PLCB2: variants seen among roughly 807,000 people sequenced by gnomAD.
PLCB2 encodes the protein phospholipase C beta 2.
In PLCB2, 115 loss-of-function variants were observed where a neutral mutation model predicts 141.7. The ratio of observed to expected loss-of-function variants is 0.81; its 90% confidence interval spans 0.70 to 0.95. The LOEUF (loss-of-function observed/expected upper bound fraction) is 0.95. PLCB2 is among the 40% of genes least tolerant of loss of function. The pLI is 0.00. For synonymous variants in PLCB2, 603 were observed against 595.6 expected (o/e 1.01, Z -0.18); for missense variants, 1,403 against 1,541.1 (o/e 0.91, Z 1.50).
intron 31 of PLCB2, 48 bp downstream of exon 31, chr15:40,289,224 C>G: frequency 6.6e-7 from 1 of 1,516,784 alleles, no homozygotes; most frequent in South Asian, 1.1e-5. Context: ...CCTTTACAAC[C>G]CGGAACCCAT....
At chr15:40,293,048 C>A (rs1360408473) in intron 20 of PLCB2, 23 bp from the exon 21 acceptor site, 2 of 1,507,802 alleles carry the variant, frequency 1.3e-6, no homozygotes, top group Non-Finnish European at 1.8e-6. Context: ...GGGGACATGA[C>A]AGGCTGGGAG....
intron 1 of PLCB2, among the ~76,000 whole-genome samples, chr15:40,304,386 C>T (rs1052451573): frequency 1.3e-5 from 2 of 152,168 alleles, no homozygotes; most frequent in Non-Finnish European, 2.9e-5. Flanking sequence ...GAGAGATTGA[C>T]ACAGCGAGAG....
chr15:40,306,912 A>T (rs1467908395), intron 1 of PLCB2, among the ~76,000 whole-genome samples: 1 of 152,356 alleles, frequency 6.6e-6, no homozygotes, highest in African/African-American at 2.4e-5. Context: ...AGAGCCTGGG[A>T]GCAGCCCCGT....
chr15:40,296,409 A>G lies in PLCB2; in HGVS notation c.1600-17T>C. The G allele has an allele frequency of 6.2e-7, 1 of 1,613,578 alleles. No homozygotes were observed. The highest frequency in any genetic ancestry group is 1.1e-5 in the South Asian group (1 of 90,996). ...CGCTGTGCCCTAAGGAGAAGAGGGG[A>G]GGGCAAAGAAGAGGAGGATGGTGCA... On this transcript the variant is annotated splice_polypyrimidine_tract_variant and intron_variant, in intron 15 of 31. Coordinates refer to ENST00000260402, the MANE Select transcript of PLCB2 (RefSeq NM_004573.3).
chr15:40,291,472 C>G lies in PLCB2; in HGVS notation c.2663G>C (p.Ser888Thr). The change falls in exon 26 of 32, where the codon AGC becomes ACC. Residue 888 changes from serine to threonine, a missense_variant. By Grantham distance (58) the Ser-to-Thr change is moderately conservative (BLOSUM62 1). Around this residue, in one of 4 missense-constraint regions of PLCB2, gnomAD observed 290 missense variants for 245.9 expected, o/e 1.18. Transcript: ENST00000260402. ...CTTTAGCTCCCGGAGCTCCTCCAGG[C>G]TGGCGGTCCGCGGCTCTGCGGAGGC... ...MKEAAEPRTASLEELRELKGV... is the reference protein window; with the variant it reads ...MKEAAEPRTATLEELRELKGV... 1 of 1,570,186 alleles carries G rather than the reference C, an allele frequency of 6.4e-7. No homozygotes were observed. Among genetic ancestry groups the G allele is most frequent in the Non-Finnish European group, 8.6e-7 (1 of 1,163,322 alleles).
At position 40,304,140 on chromosome 15, in the gene PLCB2, G is replaced by A. The variant is rs2040674469; in HGVS notation, c.85-62C>T. ...CTCAGGCCAAGCCTCCCTGGTCCAGGCCAGGGGTTTCAGAGCTCATTATCT... is the reference window on the plus strand; with the variant it reads ...CTCAGGCCAAGCCTCCCTGGTCCAGACCAGGGGTTTCAGAGCTCATTATCT... On this transcript the variant is annotated intron_variant, in intron 1 of 31. Coordinates refer to ENST00000260402, the MANE Select transcript of PLCB2 (RefSeq NM_004573.3). The A allele has an allele frequency of 6.0e-6, 7 of 1,158,140 alleles. No individual in the cohort carries two copies. In the Admixed American group the frequency reaches 1.2e-4, roughly 20 times the overall value. 71.7% of individuals were successfully genotyped at this position (1,158,140 alleles called of 1,614,324 possible).
rs192714398 is a variant in PLCB2, at chr15:40,299,470, C to T, written c.583-242G>A. Among the ~76,000 whole-genome samples the T allele has an allele frequency of 2.0e-3, 298 of 152,150 alleles. 2 individuals are homozygous for T. Among genetic ancestry groups the T allele is most frequent in the Non-Finnish European group, 2.9e-3 (194 of 67,990 alleles). ...GCTATTCCATTGGCTGGGGCAGGAT[C>T]GGAACTAAGAATAACCAGAATGAGG... On this transcript the variant is annotated intron_variant, in intron 7 of 31. Transcript: ENST00000260402.
At position 40,296,837 on chromosome 15, in the gene PLCB2, G is replaced by T. The variant is rs756401383; in HGVS notation, c.1395C>A (p.Asn465Lys). Residue 465 changes from asparagine to lysine, a missense_variant, in exon 14 of 32, where the codon AAC becomes AAA. Asn to Lys is a moderately conservative substitution (Grantham distance 94). This residue lies in a region of PLCB2 where 975 missense variants were observed against 1,141.1 expected (regional missense o/e 0.85). Coordinates refer to ENST00000260402, the MANE Select transcript of PLCB2 (RefSeq NM_004573.3). Reference sequence around the variant, plus strand: ...TGGAGGAGGTGGGGCCAGAAAACTGGTTCTTCTTGTTCTTGATGAGGATCT... The same window carrying T: ...TGGAGGAGGTGGGGCCAGAAAACTGTTTCTTCTTGTTCTTGATGAGGATCT... Reference protein sequence around the residue: ...RGKILIKNKKNQFSGPTSSSK... With the variant: ...RGKILIKNKKKQFSGPTSSSK... 6.2e-7 allele frequency: 1 copy of T among 1,614,098 alleles called. No homozygotes were observed. The highest frequency in any genetic ancestry group is 2.2e-5 in the East Asian group (1 of 44,870).
intron 7 of PLCB2, 192 bp from the exon 8 acceptor site, chr15:40,299,420 G>T: frequency 1.9e-6 from 1 of 533,494 alleles, no homozygotes; most frequent in East Asian, 3.0e-5. Context: ...TAGCTGGTTT[G>T]CTCTGACCCT....
At position 40,293,079 on chromosome 15, in the gene PLCB2, AC is replaced by A. The variant is rs545190223; in HGVS notation, c.2227-55del. On this transcript the variant is annotated intron_variant, in intron 20 of 31. Transcript: ENST00000260402. ...GGGAGGGGAGAGAGGAGCCAAGCTGACCCCCTCCCTGGCTCCAGAAGTCTCA... is the reference window on the plus strand; with the variant it reads ...GGGAGGGGAGAGAGGAGCCAAGCTGACCCCTCCCTGGCTCCAGAAGTCTCA... The A allele has an allele frequency of 3.1e-4, 342 of 1,111,620 alleles. 4 individuals are homozygous for A. The Middle Eastern group carries it at 5.5e-3, about 18-fold the overall frequency. 68.9% of individuals were successfully genotyped at this position (1,111,620 alleles called of 1,614,324 possible).
In PLCB2 at chr15:40,287,939, G is replaced by A. The variant is rs1210432218; in HGVS notation, c.*776C>T. 2 of 984,264 alleles carry A rather than the reference G, an allele frequency of 2.0e-6. No individual in the cohort carries two copies. The highest frequency in any genetic ancestry group is 2.3e-4 in the East Asian group (2 of 8,810). The allele number at this position is 984,264 out of a possible 1,614,324, so 61.0% of individuals were successfully genotyped here. The stretch of plus-strand genomic sequence containing the variant: ...GGACGAGGTTCTTTAATAGGAGTAG[G>A]AAAGAGAAAAATAAATAAACCTCAT... On this transcript the variant is annotated 3_prime_UTR_variant, in exon 32 of 32. Transcript: ENST00000260402.
chr15:40,289,409 G>A, intron 30 of PLCB2, 51 bp from the exon 31 acceptor site: 1 of 1,373,470 alleles, frequency 7.3e-7, no homozygotes, highest in Non-Finnish European at 1.0e-6. Flanking sequence ...CAGGCAAGCT[G>A]GGTCAGAATC....
intron 30 of PLCB2, chr15:40,289,662 C>T: frequency 3.9e-6 from 2 of 515,970 alleles, no homozygotes; most frequent in Non-Finnish European, 6.9e-6. Flanking sequence ...TTCCTTGGCA[C>T]CTCAGGAAGC....
rs2040134621 is a variant in PLCB2 at position 40,295,077 on chromosome 15, G to C, written c.1782-17C>G. 2.5e-6 allele frequency: 4 copies of C among 1,610,614 alleles called. No individual in the cohort carries two copies. The highest frequency in any genetic ancestry group is 3.4e-6 in the Non-Finnish European group (4 of 1,177,590). ...TTGTTGTAGCTGTCCCTGAGTTTAG[G>C]ACCCTAGCCAAGGCCATCTGCACCA... On this transcript the variant is annotated splice_polypyrimidine_tract_variant and intron_variant, in intron 17 of 31. Transcript: ENST00000260402.
At chr15:40,284,836 CAAA>C (rs56397946), downstream of PLCB2, among the ~76,000 whole-genome samples, 1,217 of 74,682 alleles carry the variant, frequency 0.016, 9 homozygotes, top group African/African-American at 0.075. Flanking sequence ...GAGACTCCGT[CAAA>C]AAAAAAAAAA....
At chr15:40,289,132 TG>T (rs2141023710) in intron 31 of PLCB2, 139 bp downstream of exon 31, 1 of 1,012,504 alleles carries the variant, frequency 9.9e-7, no homozygotes, top group African/African-American at 1.6e-5. Flanking sequence ...CTGCCTCATT[TG>T]AAAGGGCCTC....
chr15:40,290,905 G>GT, intron 27 of PLCB2, 68 bp from the exon 28 acceptor site: 1 of 1,296,074 alleles, frequency 7.7e-7, no homozygotes, highest in Non-Finnish European at 1.1e-6. Flanking sequence ...GGGGGCGGGG[G>GT]TCGGTGGAGG....
chr15:40,298,506 G>A (rs934452351), intron 10 of PLCB2, 56 bp downstream of exon 10: 66 of 1,610,424 alleles, frequency 4.1e-5, no homozygotes, highest in Admixed American at 2.3e-4. Flanking sequence ...CCCCTGTGGA[G>A]GATGCAGGGA....
chr15:40,287,012 G>A (rs1228670764), downstream of PLCB2, among the ~76,000 whole-genome samples: 1 of 152,200 alleles, frequency 6.6e-6, no homozygotes. Flanking sequence ...GGGCTCCATT[G>A]GGCTCTGGCT....
Sources: allele counts gnomAD v4.1 joint callset (sites outside exome capture counted in the v4.1 genomes callset), GRCh38; gene constraint gnomAD v4.1.1; regional missense constraint gnomAD v4.1.1; transcripts MANE v1.5; gene names NCBI Gene and HGNC (gene_info 2026-07-23, HGNC 2026-07-21).